The following ROCK2 variants were observed in gnomAD, a reference collection of about 807,000 sequenced individuals.
The protein encoded by ROCK2 is Rho associated coiled-coil containing protein kinase 2.
Under a neutral mutation model 195.1 loss-of-function variants are expected in ROCK2, and 61 were observed. The ratio of observed to expected loss-of-function variants is 0.31; its 90% confidence interval spans 0.25 to 0.39. The LOEUF (loss-of-function observed/expected upper bound fraction) is 0.39, where lower values mean the gene tolerates loss of function less well. ROCK2 is among the 10% of genes least tolerant of loss of function. The pLI is 1.00. For missense variants in ROCK2, 1,109 were observed against 1,637.4 expected (o/e 0.68, Z 5.57); for synonymous variants, 504 against 545.5 (o/e 0.92, Z 1.06).
intron 1 of ROCK2, among the ~76,000 whole-genome samples, chr2:11,327,156 A>G (rs934004457): frequency 2.0e-5 from 3 of 152,132 alleles, no homozygotes; most frequent in Admixed American, 2.0e-4. Flanking sequence ...GTTTTGCCAG[A>G]TACATACGAT....
chr2:11,280,907 G>A (rs944708833), intron 3 of ROCK2, among the ~76,000 whole-genome samples: 1 of 152,100 alleles, frequency 6.6e-6, no homozygotes, highest in African/African-American at 2.4e-5. Context: ...ATCATTCTAC[G>A]AGGTCAGCAA....
At chr2:11,191,761 CT>C (rs1471781077) in intron 32 of ROCK2, among the ~76,000 whole-genome samples, 1 of 152,140 alleles carries the variant, frequency 6.6e-6, no homozygotes, top group Non-Finnish European at 1.5e-5. Context: ...AAACCATTTT[CT>C]TCTCATCAAG....
Position 11,344,130 on chromosome 2 carries a change from G to A in ROCK2, c.7C>T (p.Arg3Trp), listed in dbSNP as rs1003618482. ...GGCATTTTCCCCGTCGGCGGGGGCC[G>A]GCTCATGCCGCCACCGCTGGACCCG... MS[R>W]PPPTGKMPGA... The change falls in exon 1 of 33, where the codon CGG becomes TGG. Residue 3 changes from arginine to tryptophan, a missense_variant. Transcript: ENST00000315872. The surrounding 1 kb of genome is among the most constrained non-coding windows in gnomAD (Gnocchi z 5.4). 11 of 1,456,764 alleles carry A rather than the reference G, an allele frequency of 7.6e-6. No individual in the cohort carries two copies. The highest frequency in any genetic ancestry group is 2.9e-5 in the Admixed American group (1 of 34,568). 90.2% of individuals were successfully genotyped at this position (1,456,764 alleles called of 1,614,324 possible). A position where few individuals can be genotyped will look rare whatever the true frequency, so the allele number is the denominator to read the frequency against.
intron 3 of ROCK2, among the ~76,000 whole-genome samples, chr2:11,262,647 C>G (rs1197077772): frequency 2.6e-5 from 4 of 152,308 alleles, no homozygotes; most frequent in African/African-American, 9.6e-5. Flanking sequence ...TAAGATGTGA[C>G]TTGCTGCTCC....
chr2:11,331,030 G>C (rs1234027844), intron 1 of ROCK2, among the ~76,000 whole-genome samples: 1 of 118,114 alleles, frequency 8.5e-6, no homozygotes, highest in African/African-American at 3.1e-5. Context: ...GAGGGAGGAG[G>C]AGGGAGGAGG....
intron 4 of ROCK2, among the ~76,000 whole-genome samples, chr2:11,248,706 C>A (rs1400930859): frequency 1.2e-4 from 2 of 16,416 alleles, no homozygotes; most frequent in African/African-American, 2.7e-4. Context: ...AAGACTTCAT[C>A]TCAAAAAAAA....
chr2:11,304,547 A>G (rs1308486743), intron 1 of ROCK2, among the ~76,000 whole-genome samples: 1 of 152,150 alleles, frequency 6.6e-6, no homozygotes, highest in African/African-American at 2.4e-5. Flanking sequence ...CTTGCTTCCA[A>G]CTTTGCCTTC....
chr2:11,276,512 A>G (rs564481499), intron 3 of ROCK2, among the ~76,000 whole-genome samples: 5 of 152,336 alleles, frequency 3.3e-5, no homozygotes, highest in Middle Eastern at 3.4e-3. Flanking sequence ...AAAGGAATTA[A>G]AGAAGACATA....
intron 3 of ROCK2, 25 bp downstream of exon 3, chr2:11,286,514 C>T (rs1259476811): frequency 1.4e-6 from 2 of 1,399,750 alleles, no homozygotes; most frequent in African/African-American, 2.8e-5. Flanking sequence ...TCATAGAGAA[C>T]AATAAGAACA....
At chr2:11,318,432 T>A (rs1221585151) in intron 1 of ROCK2, among the ~76,000 whole-genome samples, 1 of 152,344 alleles carries the variant, frequency 6.6e-6, no homozygotes. Flanking sequence ...TGTCTGTTCA[T>A]GTCCTTTGCC....
intron 3 of ROCK2, among the ~76,000 whole-genome samples, chr2:11,277,275 A>G (rs1666857475): frequency 6.6e-6 from 1 of 152,122 alleles, no homozygotes; most frequent in African/African-American, 2.4e-5. Context: ...TGCCCCACAA[A>G]TCCGCTGTGC....
chr2:11,287,586 A>G, intron 2 of ROCK2, 69 bp downstream of exon 2: 1 of 444,464 alleles, frequency 2.2e-6, no homozygotes, highest in Middle Eastern at 6.2e-4. Flanking sequence ...TAGGCTGATA[A>G]TAACCAAACA....
intron 28 of ROCK2, among the ~76,000 whole-genome samples, chr2:11,194,722 T>C (rs983727297): frequency 6.6e-5 from 10 of 152,030 alleles, no homozygotes; most frequent in African/African-American, 2.4e-4. Flanking sequence ...ACAGCAAAAG[T>C]ATCAAAATCA....
In ROCK2 at chr2:11,208,451, G is replaced by A. The variant is rs1283985544; in HGVS notation, c.2204-4C>T. ...TCCAAGAGCTTCTTCTCCATTTCTA[G>A]TATAATAAAAATGGACACAATCATA... On this transcript the variant is annotated splice_polypyrimidine_tract_variant and splice_region_variant and intron_variant, in intron 18 of 32. Transcript: ENST00000315872. 2.1e-6 allele frequency: 3 copies of A among 1,444,310 alleles called. No homozygotes were observed. Among genetic ancestry groups the A allele is most frequent in the Non-Finnish European group, 2.8e-6 (3 of 1,079,632 alleles). The allele number at this position is 1,444,310 out of a possible 1,614,324, so 89.5% of individuals were successfully genotyped here.
intron 32 of ROCK2, among the ~76,000 whole-genome samples, chr2:11,191,481 G>A (rs984946457): frequency 1.3e-5 from 2 of 152,064 alleles, no homozygotes; most frequent in Non-Finnish European, 1.5e-5. Flanking sequence ...TCAAGTTACT[G>A]TTTTAAATTT....
intron 3 of ROCK2, among the ~76,000 whole-genome samples, chr2:11,273,863 A>G (rs1666734540): frequency 6.7e-6 from 1 of 150,036 alleles, no homozygotes; most frequent in Non-Finnish European, 1.5e-5. Flanking sequence ...CGGGAGGTGG[A>G]GCTGGCAGTG....
At chr2:11,313,966 C>A (rs1422670979) in intron 1 of ROCK2, among the ~76,000 whole-genome samples, 1 of 151,910 alleles carries the variant, frequency 6.6e-6, no homozygotes. Context: ...AAAATTACAG[C>A]ATTTTTCCTA....
At chr2:11,315,942 G>A (rs1219312427) in intron 1 of ROCK2, among the ~76,000 whole-genome samples, 7 of 152,106 alleles carry the variant, frequency 4.6e-5, no homozygotes, top group Non-Finnish European at 1.0e-4. Flanking sequence ...GCCACATGTA[G>A]CTACTAAGCA....
intron 1 of ROCK2, among the ~76,000 whole-genome samples, chr2:11,305,473 A>ACG (rs1420509426): frequency 2.7e-5 from 4 of 147,206 alleles, no homozygotes; most frequent in Non-Finnish European, 4.5e-5. Context: ...ACACACACAC[A>ACG]CACACTTACG....
Sources: allele counts gnomAD v4.1 joint callset (sites outside exome capture counted in the v4.1 genomes callset), GRCh38; gene constraint gnomAD v4.1.1; non-coding constraint Gnocchi (gnomAD v3.1); transcripts MANE v1.5; gene names NCBI Gene and HGNC (gene_info 2026-07-23, HGNC 2026-07-21).